The following PRKN variants were observed in gnomAD, a reference collection of about 807,000 sequenced individuals.
The protein encoded by PRKN is parkin RBR E3 ubiquitin protein ligase, also known as E3 ubiquitin-protein ligase parkin.
PRKN carries 56 observed loss-of-function variants against 59.5 expected under a neutral mutation model. The ratio of observed to expected loss-of-function variants is 0.94; its 90% confidence interval spans 0.76 to 1.18. PRKN has a LOEUF of 1.18. Ranked by LOEUF, PRKN falls within the 50% of genes most tolerant of loss-of-function variation. PRKN has a pLI of 0.00. For synonymous variants in PRKN, 250 were observed against 222.1 expected (o/e 1.13, Z -1.12); for missense variants, 657 against 596.4 (o/e 1.10, Z -1.06).
intron 6 of PRKN, among the ~76,000 whole-genome samples, chr6:161,962,727 G>T (rs1488220961): frequency 1.3e-5 from 2 of 151,818 alleles, no homozygotes; most frequent in African/African-American, 4.8e-5. Flanking sequence ...AGTAGAGACG[G>T]GGGTTTGCCA....
intron 1 of PRKN, among the ~76,000 whole-genome samples, chr6:162,688,240 C>T (rs975063437): frequency 3.9e-5 from 6 of 152,054 alleles, no homozygotes; most frequent in Admixed American, 2.0e-4. Flanking sequence ...CGTTCAAGAA[C>T]AGACAAAAAT....
At chr6:162,539,644 G>A (rs751882381) in intron 1 of PRKN, among the ~76,000 whole-genome samples, 18 of 152,066 alleles carry the variant, frequency 1.2e-4, no homozygotes, top group Non-Finnish European at 2.4e-4. Flanking sequence ...TGCTTGAATC[G>A]CAGCTTAATT....
At chr6:162,092,096 C>T (rs775369687) in intron 4 of PRKN, among the ~76,000 whole-genome samples, 8 of 152,104 alleles carry the variant, frequency 5.3e-5, no homozygotes, top group Non-Finnish European at 8.8e-5. Context: ...TGGCTCACTC[C>T]TGTAATCCAG....
chr6:162,179,298 G>A (rs1040756536), intron 4 of PRKN, among the ~76,000 whole-genome samples: 1 of 152,188 alleles, frequency 6.6e-6, no homozygotes, highest in African/African-American at 2.4e-5. Context: ...TGTGCCAATT[G>A]TTTTTCATCT....
chr6:162,543,755 G>A lies in PRKN; in HGVS notation c.8-100282C>T, dbSNP rs374828947. ...CTTGTGGTCAACCCTGAGTCCTAGA[G>A]CTTTCATCATCTTAACTCCTGCCCA... On this transcript the variant is annotated intron_variant, in intron 1 of 11. Coordinates refer to ENST00000366898, the MANE Select transcript of PRKN (RefSeq NM_004562.3). Among the ~76,000 whole-genome samples, 28 of 152,178 alleles carry A rather than the reference G, an allele frequency of 1.8e-4. No individual in the cohort carries two copies. In the East Asian group the frequency reaches 4.6e-3, roughly 25 times the overall value.
intron 1 of PRKN, among the ~76,000 whole-genome samples, chr6:162,663,967 T>C (rs745468001): frequency 6.6e-6 from 1 of 152,026 alleles, no homozygotes; most frequent in African/African-American, 2.4e-5. Flanking sequence ...CATGCAGGTA[T>C]ACACGTTCTG....
At chr6:161,375,282 A>T (rs983162345) in intron 10 of PRKN, among the ~76,000 whole-genome samples, 2 of 152,188 alleles carry the variant, frequency 1.3e-5, no homozygotes, top group Admixed American at 1.3e-4. Flanking sequence ...TGCTGGAGTG[A>T]CAGTCCAGAA....
chr6:161,994,594 T>C (rs1781770914), intron 5 of PRKN, among the ~76,000 whole-genome samples: 1 of 151,970 alleles, frequency 6.6e-6, no homozygotes, highest in Non-Finnish European at 1.5e-5. Flanking sequence ...AAAAAACTCT[T>C]AGAACTAATA....
chr6:162,401,784 A>ACC (rs1787805445), intron 2 of PRKN, among the ~76,000 whole-genome samples: 1 of 152,108 alleles, frequency 6.6e-6, no homozygotes, highest in Non-Finnish European at 1.5e-5. Context: ...TTCTTTGTAA[A>ACC]TTTATTAACT....
intron 6 of PRKN, among the ~76,000 whole-genome samples, chr6:161,934,472 G>C (rs1779282544): frequency 6.6e-6 from 1 of 152,182 alleles, no homozygotes; most frequent in African/African-American, 2.4e-5. Context: ...TTGGTTTACT[G>C]ATTAGGCCTT....
At chr6:162,314,055 C>T (rs929853417) in intron 2 of PRKN, among the ~76,000 whole-genome samples, 5 of 152,080 alleles carry the variant, frequency 3.3e-5, no homozygotes, top group African/African-American at 1.2e-4. Flanking sequence ...CATATCGCCA[C>T]CACCCAAGTC....
At position 161,562,633 on chromosome 6, in the gene PRKN, G is replaced by A. The variant is rs1780499349; in HGVS notation, c.933+6722C>T. 6.6e-6 allele frequency among the ~76,000 whole-genome samples: 1 copy of A among 152,108 alleles called. No homozygotes were observed. Among genetic ancestry groups the A allele is most frequent in the South Asian group, 2.1e-4 (1 of 4,830 alleles). Reference sequence around the variant, plus strand: ...TCTCCATGCTTCAGGCATAGCAAATGTGTTCAGAATTGAAGCTCAGATCCC... The same window carrying A: ...TCTCCATGCTTCAGGCATAGCAAATATGTTCAGAATTGAAGCTCAGATCCC... On this transcript the variant is annotated intron_variant, in intron 8 of 11. Coordinates refer to ENST00000366898, the MANE Select transcript of PRKN (RefSeq NM_004562.3). This position sits in a 1 kb window ranked among gnomAD's most constrained non-coding sequence, Gnocchi z 4.3.
chr6:161,898,980 A>AT (rs1400798197), intron 6 of PRKN, among the ~76,000 whole-genome samples: 1 of 152,242 alleles, frequency 6.6e-6, no homozygotes, highest in Non-Finnish European at 1.5e-5. Context: ...GGTTGAAGTC[A>AT]AGGGCAAAAG....
intron 2 of PRKN, among the ~76,000 whole-genome samples, chr6:162,290,546 T>G (rs1053388940): frequency 1.3e-5 from 2 of 152,210 alleles, no homozygotes; most frequent in Non-Finnish European, 2.9e-5. Context: ...ATGATTTTTA[T>G]GAGTAATTTT....
At chr6:161,425,706 C>T (rs1054915984) in intron 9 of PRKN, among the ~76,000 whole-genome samples, 2 of 152,118 alleles carry the variant, frequency 1.3e-5, no homozygotes, top group South Asian at 4.1e-4. Context: ...AACTAAGTAT[C>T]TTTTGGGTCA....
Position 161,729,495 on chromosome 6 carries a change from T to C in PRKN, c.871+56277A>G, listed in dbSNP as rs142849001. Among the ~76,000 whole-genome samples, 41 of 152,324 alleles carry C rather than the reference T, an allele frequency of 2.7e-4. 1 individual carries two copies. Among genetic ancestry groups the C allele is most frequent in the African/African-American group, 9.9e-4 (41 of 41,586 alleles). On this transcript the variant is annotated intron_variant, in intron 7 of 11. Coordinates refer to ENST00000366898, the MANE Select transcript of PRKN (RefSeq NM_004562.3). Reference sequence around the variant, plus strand: ...AAAATGTCTTCAGGTAGAGGAATAATCAATTCAAAAAATGTCTTCCAACTT... The same window carrying C: ...AAAATGTCTTCAGGTAGAGGAATAACCAATTCAAAAAATGTCTTCCAACTT...
intron 4 of PRKN, among the ~76,000 whole-genome samples, chr6:162,159,166 A>G (rs2128316094): frequency 6.6e-6 from 1 of 152,188 alleles, no homozygotes; most frequent in South Asian, 2.1e-4. Context: ...TCTATCTATT[A>G]AATTCTGCCG....
At chr6:162,706,173 T>C (rs1272590851) in intron 1 of PRKN, among the ~76,000 whole-genome samples, 2 of 149,484 alleles carry the variant, frequency 1.3e-5, no homozygotes, top group East Asian at 1.9e-4. Flanking sequence ...AAAGCTGCCA[T>C]TGTGAGAAAG....
chr6:162,496,159 C>T (rs1484294906), intron 1 of PRKN, among the ~76,000 whole-genome samples: 1 of 151,856 alleles, frequency 6.6e-6, no homozygotes, highest in Non-Finnish European at 1.5e-5. Context: ...ACAGCTTGAA[C>T]CCCAAAGGTG....
Sources: allele counts gnomAD v4.1 joint callset (sites outside exome capture counted in the v4.1 genomes callset), GRCh38; gene constraint gnomAD v4.1.1; non-coding constraint Gnocchi (gnomAD v3.1); transcripts MANE v1.5; gene names NCBI Gene and HGNC (gene_info 2026-07-23, HGNC 2026-07-21).